Variants in PRMT9 observed in about 807,000 individuals in gnomAD.
PRMT9 encodes the protein protein arginine methyltransferase 9, also known as protein arginine N-methyltransferase 9.
Under a neutral mutation model 83.2 loss-of-function variants are expected in PRMT9, and 59 were observed. That is an observed-to-expected ratio of 0.71 (90% CI 0.57 to 0.88). The LOEUF is 0.88. PRMT9 is among the 40% of genes least tolerant of loss of function. PRMT9 has a pLI of 0.00. For synonymous variants in PRMT9, 333 were observed against 353.2 expected (o/e 0.94, Z 0.64); for missense variants, 947 against 1,021.9 (o/e 0.93, Z 1.00).
chr4:147,660,097 A>G (rs1306040331), intron 7 of PRMT9, among the ~76,000 whole-genome samples: 1 of 152,220 alleles, frequency 6.6e-6, no homozygotes, highest in Non-Finnish European at 1.5e-5. Context: ...TTAATTTGAA[A>G]TGGCAGCATG....
intron 6 of PRMT9, among the ~76,000 whole-genome samples, chr4:147,666,668 T>C (rs973872019): frequency 2.0e-5 from 3 of 152,190 alleles, no homozygotes; most frequent in East Asian, 1.9e-4. Context: ...CATTTGCTTA[T>C]TGAGAAGAGC....
At chr4:147,665,207 CT>C (rs1294406793) in intron 6 of PRMT9, among the ~76,000 whole-genome samples, 1 of 150,224 alleles carries the variant, frequency 6.7e-6, no homozygotes, top group Admixed American at 6.6e-5. Flanking sequence ...TTGAAAGATA[CT>C]TTGAAACTAT....
chr4:147,672,013 T>C (rs933113698), intron 4 of PRMT9: 8 of 392,076 alleles, frequency 2.0e-5, no homozygotes, highest in African/African-American at 1.5e-4. Flanking sequence ...CCTCCAGAAC[T>C]GTGAGAAAAT....
rs1733128678 is a variant in PRMT9 at position 147,638,034 on chromosome 4, A to C, written c.*498T>G. ...TTAATTACATTTAGCTTATAGCTTA[A>C]ATTCTTTTTCAAGCTTGCATTCTCA... On this transcript the variant is annotated 3_prime_UTR_variant, in exon 12 of 12. Transcript: ENST00000322396. 1 of 158,310 alleles carries C rather than the reference A, an allele frequency of 6.3e-6. No individual in the cohort carries two copies. Among genetic ancestry groups the C allele is most frequent in the South Asian group, 1.9e-4 (1 of 5,354 alleles). 9.8% of individuals were successfully genotyped at this position (158,310 alleles called of 1,614,324 possible). A position where few individuals can be genotyped will look rare whatever the true frequency, so the allele number is the denominator to read the frequency against.
intron 6 of PRMT9, among the ~76,000 whole-genome samples, chr4:147,661,527 A>C (rs936790005): frequency 6.6e-6 from 1 of 152,170 alleles, no homozygotes; most frequent in Non-Finnish European, 1.5e-5. Flanking sequence ...GCGGTGGCTC[A>C]TGCCTGTAAT....
At chr4:147,652,190 C>T (rs1213759817) in intron 9 of PRMT9, among the ~76,000 whole-genome samples, 1 of 151,980 alleles carries the variant, frequency 6.6e-6, no homozygotes, top group Non-Finnish European at 1.5e-5. Flanking sequence ...AATTTCTTTA[C>T]TTTCTAATTT....
At chr4:147,652,796 A>T (rs59938265) in intron 9 of PRMT9, among the ~76,000 whole-genome samples, 4,062 of 151,940 alleles carry the variant, frequency 0.027, 186 homozygotes, top group African/African-American at 0.093. Context: ...CCACAGTAGT[A>T]TGTGTTACCA....
chr4:147,663,033 G>A (rs1735075986), intron 6 of PRMT9, among the ~76,000 whole-genome samples: 1 of 146,320 alleles, frequency 6.8e-6, no homozygotes, highest in Admixed American at 6.8e-5. Flanking sequence ...TTTTGAGACA[G>A]AGTCTTGCTC....
intron 4 of PRMT9, 24 bp downstream of exon 4, chr4:147,672,935 T>C (rs1443640236): frequency 6.3e-7 from 1 of 1,599,884 alleles, no homozygotes; most frequent in Admixed American, 1.7e-5. Context: ...GTATAAACAC[T>C]AAAATTAGTT....
intron 4 of PRMT9, among the ~76,000 whole-genome samples, chr4:147,670,972 G>A (rs1451202036): frequency 6.6e-6 from 1 of 152,038 alleles, no homozygotes; most frequent in Non-Finnish European, 1.5e-5. Flanking sequence ...TTTGGAAGAT[G>A]GAGGGTGGGG....
chr4:147,678,234 G>GT (rs1360045353), intron 2 of PRMT9, among the ~76,000 whole-genome samples: 1 of 151,948 alleles, frequency 6.6e-6, no homozygotes, highest in Non-Finnish European at 1.5e-5. Flanking sequence ...TAACATTAAG[G>GT]TTTTTTTTAG....
chr4:147,647,637 C>T (rs970373921), intron 9 of PRMT9, among the ~76,000 whole-genome samples: 4 of 152,058 alleles, frequency 2.6e-5, no homozygotes, highest in African/African-American at 9.7e-5. Context: ...ATTCTTCTGC[C>T]TCAGCCTCCT....
chr4:147,676,093 C>T (rs766163664), intron 2 of PRMT9, among the ~76,000 whole-genome samples: 1 of 152,154 alleles, frequency 6.6e-6, no homozygotes, highest in Admixed American at 6.5e-5. Context: ...GAACTGCTAC[C>T]GTCCAAATTA....
At chr4:147,658,484 C>CT (rs1377839528) in intron 7 of PRMT9, among the ~76,000 whole-genome samples, 1 of 152,086 alleles carries the variant, frequency 6.6e-6, no homozygotes, top group South Asian at 2.1e-4. Context: ...AATACTAGGA[C>CT]TTTTTCCTTT....
At chr4:147,671,903 A>C (rs988952518) in intron 4 of PRMT9, 5 of 455,906 alleles carry the variant, frequency 1.1e-5, no homozygotes, top group Non-Finnish European at 2.2e-5. Context: ...GGAGAAGGAA[A>C]GGCCGTGTAA....
At chr4:147,640,084 TTTTTTTAA>T (rs890264012) in intron 10 of PRMT9, among the ~76,000 whole-genome samples, 3 of 89,804 alleles carry the variant, frequency 3.3e-5, no homozygotes, top group African/African-American at 1.1e-4. Context: ...TTTTTTTTTT[TTTTTTTAA>T]TATAGGGTCT....
In PRMT9 at chr4:147,673,878, G is replaced by A; in HGVS notation, c.339-4C>T. The A allele has an allele frequency of 1.9e-6, 3 of 1,610,300 alleles. No individual in the cohort carries two copies. The highest frequency in any genetic ancestry group is 2.5e-6 in the Non-Finnish European group (3 of 1,176,610). On this transcript the variant is annotated splice_region_variant and splice_polypyrimidine_tract_variant and intron_variant, in intron 2 of 11. Coordinates refer to ENST00000322396, the MANE Select transcript of PRMT9 (RefSeq NM_138364.4). ...TGCTTCATCCCTAAAGCCCATTCTA[G>A]AGTAAAAAATGACAAAAGACAAAAT... is the stretch of plus-strand genomic sequence containing the variant.
intron 10 of PRMT9, among the ~76,000 whole-genome samples, chr4:147,641,234 T>C (rs1733379221): frequency 6.6e-6 from 1 of 152,172 alleles, no homozygotes; most frequent in South Asian, 2.1e-4. Flanking sequence ...AGTTGTTTCC[T>C]ACCCCTTTCA....
chr4:147,648,963 T>A (rs1050521397), intron 9 of PRMT9, among the ~76,000 whole-genome samples: 1 of 152,174 alleles, frequency 6.6e-6, no homozygotes, highest in Non-Finnish European at 1.5e-5. Flanking sequence ...GTTTTGTTGT[T>A]ACTTACATTA....
Sources: allele counts gnomAD v4.1 joint callset (sites outside exome capture counted in the v4.1 genomes callset), GRCh38; gene constraint gnomAD v4.1.1; transcripts MANE v1.5; gene names NCBI Gene and HGNC (gene_info 2026-07-23, HGNC 2026-07-21).